Variants in MYH10 observed in about 807,000 individuals in gnomAD.
MYH10 encodes the protein myosin heavy chain 10.
Under a neutral mutation model 257.8 loss-of-function variants are expected in MYH10, and 55 were observed. The ratio of observed to expected loss-of-function variants is 0.21; its 90% confidence interval spans 0.17 to 0.27. The LOEUF is 0.27. Among genes scored for constraint, MYH10 ranks in the 10% least tolerant of loss-of-function variants. The pLI, the probability that MYH10 is intolerant of heterozygous loss-of-function variation, is 1.00. For missense variants in MYH10, 1,631 were observed against 2,500.6 expected (o/e 0.65, Z 7.42); for synonymous variants, 854 against 921.7 (o/e 0.93, Z 1.33).
At chr17:8,610,271 CAAAAAAAAAAA>C (rs71361810) in intron 2 of MYH10, among the ~76,000 whole-genome samples, 2 of 45,972 alleles carry the variant, frequency 4.4e-5, no homozygotes, top group African/African-American at 2.0e-4. Context: ...CATAGGATTG[CAAAAAAAAAAA>C]AAAAAAAAAA....
chr17:8,552,124 CACGAG>C lies in MYH10; in HGVS notation c.836_840del (p.Ser279CysfsTer8). ...CGTTCATCTTTTGCTTGACGAACAG[CACGAG>C]ACTTTTCCAGAAGGTCTGAGCAAAG... is the stretch of plus-strand genomic sequence containing the variant. On this transcript the variant is annotated frameshift_variant, in exon 9 of 43. Transcript: ENST00000360416. LOFTEE classifies it high-confidence loss of function. The surrounding 1 kb of genome is among the most constrained non-coding windows in gnomAD (Gnocchi z 4.8). 1 of 1,556,628 alleles carries C rather than the reference CACGAG, an allele frequency of 6.4e-7. No individual in the cohort carries two copies. The highest frequency in any genetic ancestry group is 8.7e-7 in the Non-Finnish European group (1 of 1,147,120).
intron 4 of MYH10, among the ~76,000 whole-genome samples, chr17:8,587,299 C>G (rs775627804): frequency 1.1e-4 from 16 of 152,156 alleles, no homozygotes; most frequent in Non-Finnish European, 2.1e-4. Context: ...TGATTTGAGC[C>G]ACTAAGTTTC....
intron 17 of MYH10, among the ~76,000 whole-genome samples, chr17:8,527,163 G>T (rs145632949): frequency 1.3e-5 from 2 of 152,132 alleles, no homozygotes; most frequent in East Asian, 3.8e-4. Flanking sequence ...TCCCTGTTAC[G>T]TGGTACTGTA....
At chr17:8,611,695 A>G (rs2085044820) in intron 2 of MYH10, among the ~76,000 whole-genome samples, 1 of 152,230 alleles carries the variant, frequency 6.6e-6, no homozygotes, top group Non-Finnish European at 1.5e-5. Context: ...TCAGAGGCAA[A>G]CAGCCAGAGT....
Position 8,506,627 on chromosome 17 carries a change from C to A in MYH10, c.3215-138G>T. 1.2e-6 allele frequency: 1 copy of A among 846,888 alleles called. No homozygotes were observed. Among genetic ancestry groups the A allele is most frequent in the Non-Finnish European group, 1.8e-6 (1 of 555,592 alleles). The allele number at this position is 846,888 out of a possible 1,614,324, so 52.5% of individuals were successfully genotyped here. ...TCACTGCCCTGATGACATGGTCATG[C>A]GCTGATGTCAACTGCTCAGTCATTT... On this transcript the variant is annotated intron_variant, in intron 26 of 42. Transcript: ENST00000360416. This position sits in a 1 kb window ranked among gnomAD's most constrained non-coding sequence, Gnocchi z 5.0.
chr17:8,544,221 T>C (rs1301575138), intron 13 of MYH10, among the ~76,000 whole-genome samples: 1 of 152,214 alleles, frequency 6.6e-6, no homozygotes, highest in African/African-American at 2.4e-5. Flanking sequence ...CTTAGCATTT[T>C]TACCATCTAC....
chr17:8,587,402 T>A (rs920100446), intron 4 of MYH10, among the ~76,000 whole-genome samples: 2 of 152,140 alleles, frequency 1.3e-5, no homozygotes, highest in African/African-American at 4.8e-5. Context: ...GCCGACTGAC[T>A]AACTCTCATC....
At chr17:8,587,307 T>G (rs569683187) in intron 4 of MYH10, among the ~76,000 whole-genome samples, 1 of 152,144 alleles carries the variant, frequency 6.6e-6, no homozygotes, top group Non-Finnish European at 1.5e-5. Context: ...GCCACTAAGT[T>G]TCAGCGTGAT....
intron 1 of MYH10, among the ~76,000 whole-genome samples, chr17:8,624,697 G>A (rs932494659): frequency 6.6e-5 from 10 of 152,162 alleles, no homozygotes; most frequent in Admixed American, 2.6e-4. Context: ...GTGCTATAAC[G>A]TTCTCTAGAT....
intron 41 of MYH10, among the ~76,000 whole-genome samples, chr17:8,478,049 G>C (rs1912989005): frequency 6.6e-6 from 1 of 152,176 alleles, no homozygotes; most frequent in Non-Finnish European, 1.5e-5. Flanking sequence ...AGATAACAGG[G>C]AGCAAAACAG....
rs1327126243 is a variant in MYH10, at chr17:8,476,941, C to G, written c.5814G>C (p.Leu1938=). The change falls in exon 42 of 43, where the codon CTG becomes CTC. Residue 1938 remains leucine (L), a synonymous_variant. Coordinates refer to ENST00000360416, the MANE Select transcript of MYH10 (RefSeq NM_001256012.3). ...NASRRKLQRE[L]DDATEANEGL... ...CCTCGTTGGCCTCGGTGGCATCATC[C>G]AGTTCCCGCTGGAGTTTACGCCGAG... 6.2e-7 allele frequency: 1 copy of G among 1,613,722 alleles called. No homozygotes were observed. The highest frequency in any genetic ancestry group is 1.3e-5 in the African/African-American group (1 of 74,950).
chr17:8,595,267 C>T (rs1339491036), intron 3 of MYH10, among the ~76,000 whole-genome samples: 2 of 152,014 alleles, frequency 1.3e-5, no homozygotes, highest in Non-Finnish European at 2.9e-5. Context: ...CATAAGAAAC[C>T]TAATGATTTT....
intron 2 of MYH10, among the ~76,000 whole-genome samples, chr17:8,606,542 A>T (rs2084816495): frequency 6.6e-6 from 1 of 151,930 alleles, no homozygotes; most frequent in South Asian, 2.1e-4. Context: ...AAGAGCTGAA[A>T]CCCCCAGCAA....
intron 25 of MYH10, 67 bp downstream of exon 25, chr17:8,509,745 A>G (rs2081197198): frequency 6.9e-7 from 1 of 1,454,776 alleles, no homozygotes; most frequent in Non-Finnish European, 9.2e-7. Context: ...CAATGAGTGT[A>G]TCAACATAAT....
intron 17 of MYH10, among the ~76,000 whole-genome samples, chr17:8,527,190 G>T (rs1040251174): frequency 6.6e-6 from 1 of 152,164 alleles, no homozygotes; most frequent in Non-Finnish European, 1.5e-5. Flanking sequence ...AGTTTACAGT[G>T]GTTACATAAC....
intron 6 of MYH10, among the ~76,000 whole-genome samples, chr17:8,572,609 A>G (rs2083386010): frequency 6.6e-6 from 1 of 152,172 alleles, no homozygotes; most frequent in African/African-American, 2.4e-5. Context: ...GTTGGAACCC[A>G]GAATTCTAGA....
intron 16 of MYH10, among the ~76,000 whole-genome samples, chr17:8,534,099 T>C (rs4791722): frequency 0.96 from 146,792 of 152,244 alleles, 71,003 homozygotes; most frequent in East Asian, 1. Context: ...CACTGCCTGT[T>C]GACAAGGTGA....
intron 11 of MYH10, among the ~76,000 whole-genome samples, chr17:8,547,804 TAAA>T (rs2082493688): frequency 6.8e-6 from 1 of 147,454 alleles, no homozygotes; most frequent in African/African-American, 2.5e-5. Context: ...ATATTTATAT[TAAA>T]TATATATTTA....
intron 17 of MYH10, among the ~76,000 whole-genome samples, chr17:8,523,718 A>ACT (rs1195527275): frequency 4.6e-5 from 7 of 152,204 alleles, no homozygotes; most frequent in Non-Finnish European, 1.0e-4. Flanking sequence ...CTAGGCGATG[A>ACT]GGGCAGCTGG....
Sources: gnomAD v4.1 joint callset for allele counts (sites outside exome capture counted in the v4.1 genomes callset) on GRCh38, gnomAD v4.1.1 for gene constraint, Gnocchi (gnomAD v3.1) non-coding constraint, MANE v1.5 for transcripts, NCBI Gene and HGNC (gene_info 2026-07-23, HGNC 2026-07-21) for gene names.